AUTS2: variants seen among roughly 807,000 people sequenced by gnomAD.
AUTS2 encodes the protein autism susceptibility gene 2 protein.
A neutral mutation model predicts 112.4 loss-of-function variants in AUTS2; 17 were observed. That is an observed-to-expected ratio of 0.15 (90% CI 0.10 to 0.23). AUTS2 has a LOEUF of 0.23. AUTS2 is among the 10% of genes least tolerant of loss of function. The pLI is 1.00. For missense variants in AUTS2, 1,510 were observed against 1,701.6 expected (o/e 0.89, Z 1.98); for synonymous variants, 751 against 702.7 (o/e 1.07, Z -1.09).
In AUTS2 at chr7:70,163,344, TGGGGGGGGGG is replaced by T. The variant is rs869280939; in HGVS notation, c.660+28778_660+28787del. On this transcript the variant is annotated intron_variant, in intron 4 of 18. Transcript: ENST00000342771. ...AAAGATGAGTGTTAGGTTGTGGTGG[TGGGGGGGGGG>T]GGGGCAGAGGGGGAGGGAGAAGGAG... Among the ~76,000 whole-genome samples, 5 of 2,808 alleles carry T rather than the reference TGGGGGGGGGG, an allele frequency of 1.8e-3. 1 individual carries two copies. The highest frequency in any genetic ancestry group is 7.2e-3 in the Non-Finnish European group (5 of 694). 1.8% of individuals were successfully genotyped at this position (2,808 alleles called of 152,430 possible). A position where few individuals can be genotyped will look rare whatever the true frequency, so the allele number is the denominator to read the frequency against.
intron 4 of AUTS2, among the ~76,000 whole-genome samples, chr7:70,179,514 C>T (rs561069959): frequency 2.0e-5 from 3 of 152,228 alleles, no homozygotes; most frequent in Non-Finnish European, 4.4e-5. Context: ...TGTCTGACTT[C>T]TGTGTCCATC....
At chr7:70,046,860 CTATAT>C (rs1211440259) in intron 2 of AUTS2, among the ~76,000 whole-genome samples, 1 of 152,074 alleles carries the variant, frequency 6.6e-6, no homozygotes, top group African/African-American at 2.4e-5. Context: ...AGTGGTGGTG[CTATAT>C]TGTCCTAGAA....
At chr7:69,792,531 G>C (rs1789660722) in intron 1 of AUTS2, among the ~76,000 whole-genome samples, 1 of 152,132 alleles carries the variant, frequency 6.6e-6, no homozygotes, top group Non-Finnish European at 1.5e-5. Flanking sequence ...GAGCCACCAT[G>C]CCTGGCCAAC....
intron 5 of AUTS2, among the ~76,000 whole-genome samples, chr7:70,629,748 C>A (rs933618758): frequency 6.6e-6 from 1 of 152,046 alleles, no homozygotes; most frequent in African/African-American, 2.4e-5. Flanking sequence ...TCTAAATTTA[C>A]CTAAGGTTCT....
At chr7:70,097,223 A>G (rs1357351585) in intron 2 of AUTS2, among the ~76,000 whole-genome samples, 2 of 152,210 alleles carry the variant, frequency 1.3e-5, no homozygotes, top group Non-Finnish European at 2.9e-5. Flanking sequence ...AAAAATCAGT[A>G]TGAATGAATC....
At chr7:70,532,270 A>G (rs1800128782) in intron 5 of AUTS2, among the ~76,000 whole-genome samples, 2 of 152,206 alleles carry the variant, frequency 1.3e-5, no homozygotes, top group Non-Finnish European at 1.5e-5. Flanking sequence ...AGTGACCCCA[A>G]GGATGTGGAT....
At chr7:69,959,753 G>A (rs1797357379) in intron 2 of AUTS2, among the ~76,000 whole-genome samples, 1 of 151,980 alleles carries the variant, frequency 6.6e-6, no homozygotes, top group South Asian at 2.1e-4. Context: ...ATACTAAATT[G>A]TATTGATTAT....
At chr7:69,889,286 T>A (rs920734892) in intron 1 of AUTS2, among the ~76,000 whole-genome samples, 6 of 152,234 alleles carry the variant, frequency 3.9e-5, no homozygotes, top group Admixed American at 2.6e-4. Context: ...TCATAGCCAT[T>A]GTCCTTATGG....
At chr7:69,999,078 G>A (rs912589327) in intron 2 of AUTS2, among the ~76,000 whole-genome samples, 2 of 152,138 alleles carry the variant, frequency 1.3e-5, no homozygotes, top group African/African-American at 4.8e-5. Flanking sequence ...TGAATATATA[G>A]TCTCACAAAT....
At chr7:69,921,028 C>T (rs1795788019) in intron 2 of AUTS2, among the ~76,000 whole-genome samples, 1 of 152,308 alleles carries the variant, frequency 6.6e-6, no homozygotes, top group South Asian at 2.1e-4. Context: ...GGTTTCCTTA[C>T]AGCTGTATTT....
chr7:70,032,923 C>T (rs1236779676), intron 2 of AUTS2, among the ~76,000 whole-genome samples: 1 of 151,368 alleles, frequency 6.6e-6, no homozygotes, highest in Non-Finnish European at 1.5e-5. Context: ...AAAGAAAAGT[C>T]ATTCACAAAT....
intron 4 of AUTS2, among the ~76,000 whole-genome samples, chr7:70,388,833 A>G (rs1222704222): frequency 6.6e-6 from 1 of 152,232 alleles, no homozygotes; most frequent in African/African-American, 2.4e-5. Flanking sequence ...TATTTGAAGA[A>G]CTATCATGTC....
At chr7:69,975,560 T>A (rs912773449) in intron 2 of AUTS2, among the ~76,000 whole-genome samples, 1 of 152,212 alleles carries the variant, frequency 6.6e-6, no homozygotes, top group African/African-American at 2.4e-5. Context: ...TTTGTTTGTT[T>A]TGTTTTTCAG....
At chr7:69,926,563 T>A (rs1398919287) in intron 2 of AUTS2, among the ~76,000 whole-genome samples, 1 of 151,946 alleles carries the variant, frequency 6.6e-6, no homozygotes, top group Non-Finnish European at 1.5e-5. Flanking sequence ...ATTGGAGTAT[T>A]TTCCATTCAA....
At chr7:70,721,548 C>T (rs1050295142) in intron 6 of AUTS2, among the ~76,000 whole-genome samples, 2 of 152,160 alleles carry the variant, frequency 1.3e-5, no homozygotes, top group Non-Finnish European at 1.5e-5. Context: ...GATCCACCCA[C>T]CTTCTTTTGT....
At chr7:70,636,677 C>G (rs571536017) in intron 5 of AUTS2, among the ~76,000 whole-genome samples, 27 of 149,024 alleles carry the variant, frequency 1.8e-4, no homozygotes, top group African/African-American at 6.7e-4. Flanking sequence ...GACAGAGTCT[C>G]ACTCTGTCTC....
At chr7:70,412,437 A>T (rs1350333328) in intron 4 of AUTS2, among the ~76,000 whole-genome samples, 1 of 152,182 alleles carries the variant, frequency 6.6e-6, no homozygotes, top group Non-Finnish European at 1.5e-5. Context: ...CTTGTCAAGG[A>T]TCTTCGTAGA....
At chr7:70,153,737 C>G (rs983163351) in intron 4 of AUTS2, among the ~76,000 whole-genome samples, 5 of 152,202 alleles carry the variant, frequency 3.3e-5, no homozygotes, top group African/African-American at 1.2e-4. Flanking sequence ...GACAGCTACA[C>G]ACAAAACTTA....
chr7:70,730,394 A>G lies in AUTS2; in HGVS notation c.742+31774A>G, dbSNP rs190686878. 1.6e-4 allele frequency among the ~76,000 whole-genome samples: 25 copies of G among 152,130 alleles called. No homozygotes were observed. In the East Asian group the frequency reaches 3.1e-3, roughly 19 times the overall value. ...TTCATTCCCCCAAAGGAAACTCTGT[A>G]CCCTTAGCTTCTGTACCCCTCATCC... On this transcript the variant is annotated intron_variant, in intron 6 of 18. Transcript: ENST00000342771.
Sources: gnomAD v4.1 joint callset for allele counts (sites outside exome capture counted in the v4.1 genomes callset) on GRCh38, gnomAD v4.1.1 for gene constraint, MANE v1.5 for transcripts, NCBI Gene and HGNC (gene_info 2026-07-23, HGNC 2026-07-21) for gene names.